GSTO2: variants seen among roughly 807,000 people sequenced by gnomAD.
The protein encoded by GSTO2 is glutathione S-transferase omega 2.
In GSTO2, 23 loss-of-function variants were observed where a neutral mutation model predicts 28.4. That is an observed-to-expected ratio of 0.81 (90% CI 0.58 to 1.15). The LOEUF is 1.15. Ranked by LOEUF, GSTO2 falls within the 50% of genes most tolerant of loss-of-function variation. The pLI, the probability that GSTO2 is intolerant of heterozygous loss-of-function variation, is 0.00. For missense variants in GSTO2, 298 were observed against 297.8 expected (o/e 1.00, Z 0.00); for synonymous variants, 109 against 111.0 (o/e 0.98, Z 0.11).
intron 3 of GSTO2, among the ~76,000 whole-genome samples, chr10:104,277,060 AAT>A (rs1449730640): frequency 2.0e-5 from 3 of 152,164 alleles, no homozygotes; most frequent in Admixed American, 6.6e-5. Flanking sequence ...CCCATTTTAT[AAT>A]TAAGGACACT....
chr10:104,279,288 A>G, intron 4 of GSTO2, 82 bp from the exon 5 acceptor site: 1 of 1,182,412 alleles, frequency 8.5e-7, no homozygotes, highest in Non-Finnish European at 1.2e-6. Flanking sequence ...TGGAGTTATA[A>G]AGCTTCGCTG....
chr10:104,275,932 TG>T (rs1440439079), intron 3 of GSTO2, among the ~76,000 whole-genome samples: 8 of 152,220 alleles, frequency 5.3e-5, no homozygotes. Flanking sequence ...AAGAGGTGTC[TG>T]GAAGTTTTCA....
intron 4 of GSTO2, among the ~76,000 whole-genome samples, chr10:104,278,387 A>G (rs576822111): frequency 2.6e-5 from 4 of 152,262 alleles, no homozygotes; most frequent in Non-Finnish European, 5.9e-5. Context: ...GGAATACTGA[A>G]AGAACTGAAA....
chr10:104,302,786 CT>C lies in GSTO2; in HGVS notation c.*3503del, dbSNP rs2013296383. 1.3e-5 allele frequency: 2 copies of C among 152,264 alleles called. No individual in the cohort carries two copies. The highest frequency in any genetic ancestry group is 3.9e-4 in the East Asian group (2 of 5,174). The allele number at this position is 152,264 out of a possible 1,614,324, so 9.4% of individuals were successfully genotyped here. On this transcript the variant is annotated 3_prime_UTR_variant, in exon 7 of 7. Transcript: ENST00000338595. Reference sequence around the variant, plus strand: ...CTGGTTGTTTAAAAGTGTGCAGCATCTCCCTGACCCCTCTTGCGCCAGCTCC... The same window carrying C: ...CTGGTTGTTTAAAAGTGTGCAGCATCCCCTGACCCCTCTTGCGCCAGCTCC...
intron 1 of GSTO2, among the ~76,000 whole-genome samples, chr10:104,272,775 G>T (rs1043046368): frequency 6.6e-6 from 1 of 151,618 alleles, no homozygotes; most frequent in African/African-American, 2.4e-5. Flanking sequence ...CACCGCGCCC[G>T]GCTAATTTTT....
intron 1 of GSTO2, among the ~76,000 whole-genome samples, chr10:104,271,279 G>A (rs530369305): frequency 6.6e-6 from 1 of 152,358 alleles, no homozygotes; most frequent in South Asian, 2.1e-4. Flanking sequence ...AGTATTGTGA[G>A]TTGAACTTTA....
intron 5 of GSTO2, among the ~76,000 whole-genome samples, chr10:104,293,841 A>G (rs1309322482): frequency 6.6e-6 from 1 of 152,082 alleles, no homozygotes; most frequent in Admixed American, 6.6e-5. Context: ...TAGAGTCTAA[A>G]AATACATATT....
chr10:104,287,644 G>A (rs2012514903), intron 5 of GSTO2, among the ~76,000 whole-genome samples: 2 of 152,122 alleles, frequency 1.3e-5, no homozygotes, highest in African/African-American at 4.8e-5. Flanking sequence ...CCATGCAGGT[G>A]TGCACATACA....
At chr10:104,286,934 A>T (rs2012467959) in intron 5 of GSTO2, among the ~76,000 whole-genome samples, 1 of 152,202 alleles carries the variant, frequency 6.6e-6, no homozygotes, top group Non-Finnish European at 1.5e-5. Flanking sequence ...CCCACTACCC[A>T]GAAACAACCA....
Position 104,297,540 on chromosome 10 carries a change from T to C in GSTO2, c.469-38T>C, listed in dbSNP as rs770577730. 8.4e-6 allele frequency: 11 copies of C among 1,315,336 alleles called. No individual in the cohort carries two copies. The South Asian group carries it at 1.1e-4, about 13-fold the overall frequency. The allele number at this position is 1,315,336 out of a possible 1,614,324, so 81.5% of individuals were successfully genotyped here. ...GTGTCTATAAACATGTCAGCAGATA[T>C]ATAAACTTATTTGCTTTTGCTTTGT... On this transcript the variant is annotated intron_variant, in intron 5 of 6. Coordinates refer to ENST00000338595, the MANE Select transcript of GSTO2 (RefSeq NM_183239.2).
At chr10:104,277,768 C>T (rs187447136) in intron 3 of GSTO2, 126 bp from the exon 4 acceptor site, 2 of 637,964 alleles carry the variant, frequency 3.1e-6, no homozygotes, top group Non-Finnish European at 5.6e-6. Flanking sequence ...TTATACAAAA[C>T]TTAAACCTTA....
chr10:104,277,708 A>G (rs1485568081), intron 3 of GSTO2, among the ~76,000 whole-genome samples, 186 bp from the exon 4 acceptor site: 2 of 152,224 alleles, frequency 1.3e-5, no homozygotes, highest in African/African-American at 2.4e-5. Context: ...AGGCATGGAA[A>G]ACATCCGACA....
chr10:104,274,634 G>A, intron 1 of GSTO2, 51 bp from the exon 2 acceptor site: 1 of 549,590 alleles, frequency 1.8e-6, no homozygotes, highest in East Asian at 3.3e-5. Flanking sequence ...CATGTCCAGA[G>A]CAAGGGGGAG....
Position 104,303,418 on chromosome 10 carries a change from G to A in GSTO2, c.*4134G>A, listed in dbSNP as rs967550596. 2 of 152,176 alleles carry A rather than the reference G, an allele frequency of 1.3e-5. No individual in the cohort carries two copies. The highest frequency in any genetic ancestry group is 4.8e-5 in the African/African-American group (2 of 41,428). The allele number at this position is 152,176 out of a possible 1,614,324, so 9.4% of individuals were successfully genotyped here. ...TTGTGCTCCTGGCCTAGGGACCTGTGGAAGTTTGAACTTGAGAGTGATGAT... is the reference window on the plus strand; with the variant it reads ...TTGTGCTCCTGGCCTAGGGACCTGTAGAAGTTTGAACTTGAGAGTGATGAT... On this transcript the variant is annotated 3_prime_UTR_variant, in exon 7 of 7. Transcript: ENST00000338595.
chr10:104,272,587 C>CTTTTTTTTTTTTT lies in GSTO2; in HGVS notation c.-231-2066_-231-2054dup, dbSNP rs768279768. 1.7e-3 allele frequency among the ~76,000 whole-genome samples: 85 copies of CTTTTTTTTTTTTT among 49,304 alleles called. 23 individuals are homozygous for CTTTTTTTTTTTTT. The highest frequency in any genetic ancestry group is 6.2e-3 in the East Asian group (7 of 1,122). The allele number at this position is 49,304 out of a possible 152,430, so 32.3% of individuals were successfully genotyped here. ...GAATCAAAATAGAACAGTTATGGGA[C>CTTTTTTTTTTTTT]TTTTTTTTTTTTTTTTTTTTTTTTT... On this transcript the variant is annotated intron_variant, in intron 1 of 6. Transcript: ENST00000338595.
intron 1 of GSTO2, among the ~76,000 whole-genome samples, chr10:104,271,601 C>T (rs2011411349): frequency 6.6e-6 from 1 of 152,222 alleles, no homozygotes; most frequent in African/African-American, 2.4e-5. Context: ...AGGGCCTGTT[C>T]TGAGAACCTT....
In GSTO2 at chr10:104,299,709, C is replaced by T. The variant is rs1215013725; in HGVS notation, c.*425C>T. Reference sequence around the variant, plus strand: ...CTCAGGCTGGTCTCCATCTCCTGGCCGCAAGCCATCCACCCAACTTGGTCT... The same window carrying T: ...CTCAGGCTGGTCTCCATCTCCTGGCTGCAAGCCATCCACCCAACTTGGTCT... On this transcript the variant is annotated 3_prime_UTR_variant, in exon 7 of 7. Coordinates refer to ENST00000338595, the MANE Select transcript of GSTO2 (RefSeq NM_183239.2). 2.8e-5 allele frequency: 5 copies of T among 179,994 alleles called. No homozygotes were observed. The highest frequency in any genetic ancestry group is 1.1e-4 in the South Asian group (1 of 9,474). 11.1% of individuals were successfully genotyped at this position (179,994 alleles called of 1,614,324 possible). A position where few individuals can be genotyped will look rare whatever the true frequency, so the allele number is the denominator to read the frequency against.
intron 1 of GSTO2, among the ~76,000 whole-genome samples, chr10:104,273,333 C>T (rs1440587684): frequency 1.3e-5 from 2 of 151,112 alleles, no homozygotes; most frequent in African/African-American, 4.9e-5. Flanking sequence ...TTTCAGAGAA[C>T]ATTTATTCAA....
intron 5 of GSTO2, among the ~76,000 whole-genome samples, chr10:104,292,334 A>AT (rs1661514179): frequency 1.4e-5 from 2 of 147,886 alleles, no homozygotes; most frequent in Admixed American, 1.4e-4. Flanking sequence ...AACTTTTTTT[A>AT]TTTTTTGTAG....
Sources: allele counts gnomAD v4.1 joint callset (sites outside exome capture counted in the v4.1 genomes callset), GRCh38; gene constraint gnomAD v4.1.1; transcripts MANE v1.5; gene names NCBI Gene and HGNC (gene_info 2026-07-23, HGNC 2026-07-21).